The following SREBF2 variants were observed in gnomAD, a reference collection of about 807,000 sequenced individuals.
SREBF2 encodes the protein sterol regulatory element binding transcription factor 2.
Under a neutral mutation model 113.1 loss-of-function variants are expected in SREBF2, and 55 were observed. The ratio of observed to expected loss-of-function variants is 0.49; its 90% CI spans 0.39 to 0.61. The LOEUF is 0.61. Among genes scored for constraint, SREBF2 ranks in the 20% least tolerant of loss-of-function variants. SREBF2 has a pLI of 0.00. For missense variants in SREBF2, 1,349 were observed against 1,487.4 expected (o/e 0.91, Z 1.53); for synonymous variants, 593 against 605.7 (o/e 0.98, Z 0.31).
rs866892218 is a variant in SREBF2 at position 41,847,012 on chromosome 22, A to G, written c.88+13654A>G. Among the ~76,000 whole-genome samples, 15 of 152,298 alleles carry G rather than the reference A, an allele frequency of 9.8e-5. No individual in the cohort carries two copies. The Middle Eastern group carries it at 0.014, about 138-fold the overall frequency. On this transcript the variant is annotated intron_variant, in intron 1 of 18. Coordinates refer to ENST00000361204, the MANE Select transcript of SREBF2 (RefSeq NM_004599.4). ...TCCTCCAGCTCCCAGCCCAGAGTAC[A>G]TAGTGTATGCAAATTTGAGTGGATG...
At chr22:41,894,290 C>G (rs1334444708) in intron 12 of SREBF2, among the ~76,000 whole-genome samples, 3 of 152,288 alleles carry the variant, frequency 2.0e-5, no homozygotes, top group East Asian at 3.9e-4. Context: ...AAGAAACTTG[C>G]TGGTGACAGT....
Position 41,894,827 on chromosome 22 carries a change from C to T in SREBF2, c.2385C>T (p.Pro795=), listed in dbSNP as rs758942096. Residue 795 remains proline, a synonymous_variant, in exon 13 of 19, where the codon CCC becomes CCT. Coordinates refer to ENST00000361204, the MANE Select transcript of SREBF2 (RefSeq NM_004599.4). ...TGCCTGTCTCTTTTCCAGCTGACCC[C>T]ATTGCGCAGGTCCACCAGGCCTTCT... ...LYCAQRNPAD[P]IAQVHQAFCK... 1 of 1,613,984 alleles carries T rather than the reference C, an allele frequency of 6.2e-7. No individual in the cohort carries two copies. Among genetic ancestry groups the T allele is most frequent in the South Asian group, 1.1e-5 (1 of 91,076 alleles).
At chr22:41,845,866 G>T (rs2076872716) in intron 1 of SREBF2, among the ~76,000 whole-genome samples, 1 of 152,198 alleles carries the variant, frequency 6.6e-6, no homozygotes, top group Admixed American at 6.5e-5. Context: ...AACTCCCAGG[G>T]TATACCCCCA....
intron 1 of SREBF2, among the ~76,000 whole-genome samples, chr22:41,851,913 G>A (rs2076935419): frequency 6.6e-6 from 1 of 151,982 alleles, no homozygotes; most frequent in African/African-American, 2.4e-5. Flanking sequence ...AAGGTCAGGA[G>A]ATCAAGACCA....
At chr22:41,855,703 T>C (rs1364444409) in intron 1 of SREBF2, among the ~76,000 whole-genome samples, 2 of 151,932 alleles carry the variant, frequency 1.3e-5, no homozygotes, top group African/African-American at 4.8e-5. Context: ...GATGGTTCCA[T>C]AGAGCATCAG....
At chr22:41,854,651 T>C (rs1355501252) in intron 1 of SREBF2, among the ~76,000 whole-genome samples, 4 of 151,598 alleles carry the variant, frequency 2.6e-5, no homozygotes, top group African/African-American at 9.7e-5. Flanking sequence ...GGCAGATCAC[T>C]TGAGGCCAGG....
chr22:41,835,570 A>C, intron 1 of SREBF2, among the ~76,000 whole-genome samples: 1 of 152,134 alleles, frequency 6.6e-6, no homozygotes, highest in Middle Eastern at 3.4e-3. Flanking sequence ...TTGGCCTCCT[A>C]AAGTGCTGAG....
intron 11 of SREBF2, among the ~76,000 whole-genome samples, chr22:41,887,129 C>A (rs928143556): frequency 6.6e-6 from 1 of 151,978 alleles, no homozygotes; most frequent in Admixed American, 6.6e-5. Flanking sequence ...GCAGGAGAAT[C>A]GCCTGAACCT....
chr22:41,846,795 C>T (rs762411153), intron 1 of SREBF2, among the ~76,000 whole-genome samples: 1 of 152,192 alleles, frequency 6.6e-6, no homozygotes, highest in Non-Finnish European at 1.5e-5. Context: ...TCACTGCCTG[C>T]CAGGATGGAT....
intron 1 of SREBF2, among the ~76,000 whole-genome samples, chr22:41,851,103 G>T (rs759933354): frequency 6.6e-6 from 1 of 152,136 alleles, no homozygotes; most frequent in African/African-American, 2.4e-5. Context: ...TACTAAGTGG[G>T]TATCAGTGGT....
chr22:41,905,686 C>CCT lies in SREBF2; in HGVS notation c.*34_*35dup, dbSNP rs764693514. 4 of 1,549,818 alleles carry CCT rather than the reference C, an allele frequency of 2.6e-6. No homozygotes were observed. Among genetic ancestry groups the CCT allele is most frequent in the South Asian group, 2.4e-5 (2 of 84,242 alleles). Reference sequence around the variant, plus strand: ...CCACCAGGCTCAGCCCACCCCTCCACCTCTCTCTCGATTTCTCTCTCTCCC... The same window carrying CCT: ...CCACCAGGCTCAGCCCACCCCTCCACCTCTCTCTCTCGATTTCTCTCTCTCCC... On this transcript the variant is annotated 3_prime_UTR_variant, in exon 19 of 19. Coordinates refer to ENST00000361204, the MANE Select transcript of SREBF2 (RefSeq NM_004599.4).
At chr22:41,859,336 T>C (rs965339384) in intron 1 of SREBF2, among the ~76,000 whole-genome samples, 5 of 152,148 alleles carry the variant, frequency 3.3e-5, no homozygotes, top group Non-Finnish European at 7.3e-5. Context: ...AATGGAAAGT[T>C]CTGACATCAA....
rs1311975354 is a variant in SREBF2 at position 41,875,355 on chromosome 22, C to T, written c.1108C>T (p.Leu370=). 8 of 1,613,896 alleles carry T rather than the reference C, an allele frequency of 5.0e-6. No individual in the cohort carries two copies. Among genetic ancestry groups the T allele is most frequent in the Non-Finnish European group, 6.8e-6 (8 of 1,179,904 alleles). The change falls in exon 6 of 19, where the codon CTG becomes TTG. Residue 370 remains leucine, a synonymous_variant. Transcript: ENST00000361204. ...TDAKMHKSGV[L]RKAIDYIKYL... ...TACCCAGATGCACAAGTCTGGCGTT[C>T]TGAGGAAGGCCATTGATTACATCAA...
chr22:41,877,965 AT>A lies in SREBF2; in HGVS notation c.1604del (p.Met535ArgfsTer10), dbSNP rs2077212397. The A allele has an allele frequency of 6.2e-7, 1 of 1,613,938 alleles. No homozygotes were observed. The highest frequency in any genetic ancestry group is 1.3e-5 in the African/African-American group (1 of 74,890). On this transcript the variant is annotated frameshift_variant, in exon 9 of 19. Transcript: ENST00000361204. LOFTEE classifies it high-confidence loss of function. ...ESGSGGWFDW[M>X]MPTLLLWLVN... is the part of the protein sequence containing the mutation. ...AGGTTCTGGGGGCTGGTTTGACTGG[AT>A]GATGCCTACTCTTCTCTTATGGCTG...
intron 1 of SREBF2, among the ~76,000 whole-genome samples, chr22:41,842,215 C>G (rs2076837371): frequency 6.6e-6 from 1 of 152,186 alleles, no homozygotes; most frequent in African/African-American, 2.4e-5. Context: ...CGGCCCTACC[C>G]ACTATCTGCG....
chr22:41,880,413 A>G (rs1406331314), intron 9 of SREBF2, among the ~76,000 whole-genome samples: 1 of 151,910 alleles, frequency 6.6e-6, no homozygotes, highest in Non-Finnish European at 1.5e-5. Context: ...AAAAAAAAAA[A>G]AAAGTGCTAC....
intron 1 of SREBF2, among the ~76,000 whole-genome samples, chr22:41,850,713 A>G (rs1161126905): frequency 6.6e-6 from 1 of 151,838 alleles, no homozygotes; most frequent in Non-Finnish European, 1.5e-5. Flanking sequence ...CAAATTATCT[A>G]ATTTCTTTGA....
At chr22:41,863,873 A>C (rs1443975090) in intron 1 of SREBF2, among the ~76,000 whole-genome samples, 1 of 151,934 alleles carries the variant, frequency 6.6e-6, no homozygotes, top group Non-Finnish European at 1.5e-5. Context: ...TTATTTATTT[A>C]TCTATCTATT....
In SREBF2 at chr22:41,874,567, C is replaced by T. The variant is rs571126585; in HGVS notation, c.1089+548C>T. ...TGAAAGAAAATTTCATTTTCCTTGC[C>T]TACAAATCTGAAAGCTGTACATCCT... On this transcript the variant is annotated intron_variant, in intron 5 of 18. Coordinates refer to ENST00000361204, the MANE Select transcript of SREBF2 (RefSeq NM_004599.4). Among the ~76,000 whole-genome samples, 9 of 152,296 alleles carry T rather than the reference C, an allele frequency of 5.9e-5. No individual in the cohort carries two copies. In the East Asian group the frequency reaches 1.7e-3, roughly 29 times the overall value.
Sources: gnomAD v4.1 joint callset for allele counts (sites outside exome capture counted in the v4.1 genomes callset) on GRCh38, gnomAD v4.1.1 for gene constraint, MANE v1.5 for transcripts, NCBI Gene and HGNC (gene_info 2026-07-23, HGNC 2026-07-21) for gene names.